The following RAB30 variants were observed in gnomAD, a reference collection of about 807,000 sequenced individuals.
RAB30 encodes ras-related protein Rab-30.
In RAB30, 9 loss-of-function variants were observed where a neutral mutation model predicts 25.1. The observed-to-expected ratio is 0.36, with a 90% CI of 0.22 to 0.63. RAB30 has a LOEUF of 0.63. RAB30 is among the 20% of genes least tolerant of loss of function. The pLI is 0.69. For missense variants in RAB30, 140 were observed against 243.5 expected (o/e 0.58, Z 2.83); for synonymous variants, 77 against 86.4 (o/e 0.89, Z 0.60).
intron 1 of RAB30, among the ~76,000 whole-genome samples, chr11:83,012,258 A>G (rs923106186): frequency 2.8e-4 from 42 of 152,314 alleles, no homozygotes; most frequent in South Asian, 2.1e-4. Context: ...TTTGCCTCCA[A>G]TGCTTTTAGA....
chr11:83,040,532 A>C (rs1298563430), intron 1 of RAB30, among the ~76,000 whole-genome samples: 1 of 151,546 alleles, frequency 6.6e-6, no homozygotes, highest in Non-Finnish European at 1.5e-5. Context: ...CGGAGGTTGC[A>C]GTGAGCCGAG....
intron 1 of RAB30, among the ~76,000 whole-genome samples, chr11:83,051,595 A>C (rs895557837): frequency 3.3e-5 from 5 of 152,146 alleles, no homozygotes; most frequent in Non-Finnish European, 7.4e-5. Context: ...AGAACAGGGT[A>C]ATAATTCCAA....
At chr11:83,004,825 T>G (rs548241590) in intron 1 of RAB30, among the ~76,000 whole-genome samples, 3 of 152,034 alleles carry the variant, frequency 2.0e-5, no homozygotes, top group Non-Finnish European at 4.4e-5. Context: ...CCCACTGCTG[T>G]GTTCAGTAAG....
intron 1 of RAB30, among the ~76,000 whole-genome samples, chr11:83,008,660 C>T (rs1292735611): frequency 2.0e-5 from 3 of 152,118 alleles, no homozygotes; most frequent in Non-Finnish European, 4.4e-5. Flanking sequence ...TACAAATTTT[C>T]CCTCAGCAGG....
chr11:83,037,057 G>A (rs1858002275), intron 1 of RAB30, among the ~76,000 whole-genome samples: 1 of 152,152 alleles, frequency 6.6e-6, no homozygotes, highest in African/African-American at 2.4e-5. Flanking sequence ...GTGTGGAGAA[G>A]TGAGTGTAGG....
chr11:82,981,202 G>A lies in RAB30; in HGVS notation c.*963C>T, dbSNP rs1377715117. On this transcript the variant is annotated 3_prime_UTR_variant, in exon 5 of 5. Coordinates refer to ENST00000527633, the MANE Select transcript of RAB30 (RefSeq NM_001286060.2). ...CAGTCCATTAATCCACAGTATTTTGGTCATATCTGGTCTGTTTCCTCATAC... is the reference window on the plus strand; with the variant it reads ...CAGTCCATTAATCCACAGTATTTTGATCATATCTGGTCTGTTTCCTCATAC... 6.6e-6 allele frequency: 1 copy of A among 152,172 alleles called. No homozygotes were observed. The highest frequency in any genetic ancestry group is 1.5e-5 in the Non-Finnish European group (1 of 68,026). 9.4% of individuals were successfully genotyped at this position (152,172 alleles called of 1,614,324 possible).
chr11:83,029,769 T>G (rs1857809908), intron 1 of RAB30, among the ~76,000 whole-genome samples: 1 of 152,132 alleles, frequency 6.6e-6, no homozygotes, highest in South Asian at 2.1e-4. Flanking sequence ...AATTCACAAT[T>G]GCAAAGATAT....
intron 1 of RAB30, among the ~76,000 whole-genome samples, chr11:83,023,563 T>C (rs544781185): frequency 3.3e-5 from 5 of 152,296 alleles, no homozygotes; most frequent in Admixed American, 6.5e-5. Flanking sequence ...GCACCAGTGC[T>C]GAGAGCCCCA....
At chr11:83,022,936 T>C (rs759977146) in intron 1 of RAB30, among the ~76,000 whole-genome samples, 2 of 151,630 alleles carry the variant, frequency 1.3e-5, no homozygotes, top group Non-Finnish European at 1.5e-5. Context: ...AACTTTCAAA[T>C]GGTCCAGCAT....
At chr11:83,070,455 C>G (rs1369796068) in intron 1 of RAB30, among the ~76,000 whole-genome samples, 5 of 152,206 alleles carry the variant, frequency 3.3e-5, no homozygotes, top group Non-Finnish European at 7.3e-5. Flanking sequence ...ATGTCTGACT[C>G]AGCTAGGAAA....
chr11:83,033,522 A>G (rs1857922590), intron 1 of RAB30, among the ~76,000 whole-genome samples: 1 of 152,226 alleles, frequency 6.6e-6, no homozygotes. Context: ...TCGATATGCC[A>G]AGAGCTTTAC....
chr11:82,977,115 C>G lies in RAB30; in HGVS notation c.*5050G>C, dbSNP rs915435890. On this transcript the variant is annotated 3_prime_UTR_variant, in exon 5 of 5. Transcript: ENST00000527633. Reference sequence around the variant, plus strand: ...TATCCTAAAATCTTGAAAGAGACACCCATTATTTATTAAACAGAGCAAGGC... The same window carrying G: ...TATCCTAAAATCTTGAAAGAGACACGCATTATTTATTAAACAGAGCAAGGC... 6 of 152,078 alleles carry G rather than the reference C, an allele frequency of 3.9e-5. No individual in the cohort carries two copies. Among genetic ancestry groups the G allele is most frequent in the African/African-American group, 1.4e-4 (6 of 41,402 alleles). 9.4% of individuals were successfully genotyped at this position (152,078 alleles called of 1,614,324 possible). A position where few individuals can be genotyped will look rare whatever the true frequency, so the allele number is the denominator to read the frequency against.
At chr11:83,058,043 T>C (rs1348980639) in intron 1 of RAB30, among the ~76,000 whole-genome samples, 1 of 152,166 alleles carries the variant, frequency 6.6e-6, no homozygotes, top group African/African-American at 2.4e-5. Context: ...ATCTCCCCTC[T>C]CACCATCTTT....
intron 1 of RAB30, among the ~76,000 whole-genome samples, chr11:83,062,796 T>G (rs1858612029): frequency 6.6e-6 from 1 of 151,176 alleles, no homozygotes; most frequent in African/African-American, 2.4e-5. Flanking sequence ...AGGTCAGGAG[T>G]TTGAGACCAG....
At chr11:83,023,662 C>G (rs1451729391) in intron 1 of RAB30, among the ~76,000 whole-genome samples, 1 of 152,188 alleles carries the variant, frequency 6.6e-6, no homozygotes, top group Admixed American at 6.5e-5. Flanking sequence ...GCTCATTGCT[C>G]TTCTACTGAA....
chr11:82,999,436 A>G (rs992760571), intron 1 of RAB30, among the ~76,000 whole-genome samples: 18 of 152,190 alleles, frequency 1.2e-4, no homozygotes, highest in African/African-American at 3.9e-4. Context: ...CATCAACAAA[A>G]TGGGGCCAAT....
chr11:82,983,362 A>G (rs1856676934), intron 4 of RAB30, among the ~76,000 whole-genome samples: 1 of 152,214 alleles, frequency 6.6e-6, no homozygotes, highest in African/African-American at 2.4e-5. Context: ...AGCAATCCCT[A>G]AAAACTGAGA....
At chr11:83,070,535 G>GT (rs1858813027) in intron 1 of RAB30, among the ~76,000 whole-genome samples, 1 of 152,088 alleles carries the variant, frequency 6.6e-6, no homozygotes, top group Non-Finnish European at 1.5e-5. Flanking sequence ...AAGAGGGGGT[G>GT]TGGTTGACCC....
intron 1 of RAB30, among the ~76,000 whole-genome samples, chr11:83,055,237 A>G (rs1056421605): frequency 5.3e-5 from 8 of 152,262 alleles, no homozygotes; most frequent in Non-Finnish European, 1.0e-4. Context: ...ACCTGGCACT[A>G]TGTAAATGTT....
Sources: allele counts gnomAD v4.1 joint callset (sites outside exome capture counted in the v4.1 genomes callset), GRCh38; gene constraint gnomAD v4.1.1; transcripts MANE v1.5; gene names NCBI Gene and HGNC (gene_info 2026-07-23, HGNC 2026-07-21).